LYST: variants seen among roughly 807,000 people sequenced by gnomAD.
The protein encoded by LYST is lysosomal-trafficking regulator.
In LYST, 192 loss-of-function variants were observed where a neutral mutation model predicts 413.6. The observed-to-expected ratio is 0.46, with a 90% CI of 0.41 to 0.52. The LOEUF is 0.52. Among genes scored for constraint, LYST ranks in the 20% least tolerant of loss-of-function variants. LYST has a pLI of 0.00. For synonymous variants in LYST, 1,525 were observed against 1,567.3 expected (o/e 0.97, Z 0.64); for missense variants, 3,815 against 4,499.9 (o/e 0.85, Z 4.35).
intron 19 of LYST, among the ~76,000 whole-genome samples, chr1:235,773,636 A>C (rs1278623937): frequency 1.3e-5 from 2 of 152,196 alleles, no homozygotes; most frequent in Admixed American, 1.3e-4. Context: ...CTAGAGAAAG[A>C]GGGAGAACAT....
rs576764788 is a variant in LYST at position 235,711,421 on chromosome 1, T to C, written c.9925+636A>G. ...CTATACAACAAAATTCCAATGTAAT[T>C]TGCCCAACACCAACTTCTTAAAGCT... On this transcript the variant is annotated intron_variant, in intron 43 of 52. Transcript: ENST00000389793. Among the ~76,000 whole-genome samples the C allele has an allele frequency of 4.6e-5, 7 of 152,318 alleles. No homozygotes were observed. In the South Asian group the frequency reaches 1.4e-3, roughly 32 times the overall value.
At chr1:235,762,344 G>A (rs1228889614) in intron 22 of LYST, among the ~76,000 whole-genome samples, 1 of 152,158 alleles carries the variant, frequency 6.6e-6, no homozygotes, top group Non-Finnish European at 1.5e-5. Context: ...GTAGAGAAAA[G>A]GTACCCTGAG....
At chr1:235,745,029 A>T (rs1204012448) in intron 29 of LYST, among the ~76,000 whole-genome samples, 2 of 152,172 alleles carry the variant, frequency 1.3e-5, no homozygotes, top group Non-Finnish European at 2.9e-5. Flanking sequence ...GGGTTACCTG[A>T]ACATTTTTTT....
intron 1 of LYST, among the ~76,000 whole-genome samples, chr1:235,842,761 G>A (rs779760995): frequency 2.0e-5 from 3 of 152,194 alleles, no homozygotes. Flanking sequence ...TCAGTCAACA[G>A]TGGCTCTGCT....
chr1:235,691,326 A>G (rs531950080), intron 47 of LYST, among the ~76,000 whole-genome samples: 5 of 152,348 alleles, frequency 3.3e-5, no homozygotes, highest in African/African-American at 1.2e-4. Flanking sequence ...AAGAAACTCA[A>G]GTTTGGAGAG....
intron 44 of LYST, among the ~76,000 whole-genome samples, chr1:235,704,910 T>C (rs1661851180): frequency 6.6e-6 from 1 of 152,348 alleles, no homozygotes; most frequent in African/African-American, 2.4e-5. Flanking sequence ...TATTTTAAAA[T>C]AGTGCTTTTC....
chr1:235,756,280 C>T (rs1667045034), intron 24 of LYST, among the ~76,000 whole-genome samples: 1 of 152,092 alleles, frequency 6.6e-6, no homozygotes, highest in African/African-American at 2.4e-5. Flanking sequence ...ACTAAAAAAG[C>T]TTTCTAAGTT....
At chr1:235,746,256 A>T (rs1442567923) in intron 29 of LYST, 80 bp downstream of exon 29, 2 of 1,318,824 alleles carry the variant, frequency 1.5e-6, no homozygotes, top group Admixed American at 3.4e-5. Context: ...TAAACATCTG[A>T]AAACCAACCA....
intron 3 of LYST, among the ~76,000 whole-genome samples, chr1:235,822,705 C>T (rs189142645): frequency 5.5e-4 from 84 of 152,310 alleles, no homozygotes; most frequent in Non-Finnish European, 6.9e-4. Flanking sequence ...TGCAGTTCCT[C>T]CTATCAAGTG....
intron 22 of LYST, among the ~76,000 whole-genome samples, chr1:235,761,425 A>G (rs529399975): frequency 6.6e-6 from 1 of 152,340 alleles, no homozygotes; most frequent in South Asian, 2.1e-4. Flanking sequence ...CTTTTCTTCT[A>G]TAAAGTAGCG....
At chr1:235,682,502 C>T (rs534390639) in intron 48 of LYST, among the ~76,000 whole-genome samples, 1 of 152,218 alleles carries the variant, frequency 6.6e-6, no homozygotes, top group Admixed American at 6.5e-5. Flanking sequence ...GCAGGAGAGG[C>T]CATGAGCCAG....
At chr1:235,831,155 T>A (rs1011560343) in intron 2 of LYST, among the ~76,000 whole-genome samples, 1 of 152,176 alleles carries the variant, frequency 6.6e-6, no homozygotes, top group Non-Finnish European at 1.5e-5. Flanking sequence ...CAGTAACCTT[T>A]AAAAGATATT....
chr1:235,810,288 A>G lies in LYST; in HGVS notation c.530T>C (p.Ile177Thr). The change falls in exon 5 of 53, where the codon ATA becomes ACA. Residue 177 changes from isoleucine to threonine, a missense_variant. Ile to Thr is a moderately conservative substitution (Grantham distance 89, BLOSUM62 -1). Transcript: ENST00000389793. The part of the protein sequence containing the change: ...DSEANSDEKG[I>T]AMNKHRRPHL... ...GGGCCTTCTATGCTTATTCATTGCT[A>G]TGCCTTTTTCATCTGAATTGGCTTC... 6.2e-7 allele frequency: 1 copy of G among 1,614,138 alleles called. No homozygotes were observed. The highest frequency in any genetic ancestry group is 8.5e-7 in the Non-Finnish European group (1 of 1,179,988).
intron 21 of LYST, among the ~76,000 whole-genome samples, chr1:235,763,906 C>G (rs1240414823): frequency 6.6e-6 from 1 of 152,132 alleles, no homozygotes; most frequent in East Asian, 1.9e-4. Flanking sequence ...TCACAGCTAC[C>G]AGAATTCGCT....
At chr1:235,856,940 A>T (rs867129145) in intron 1 of LYST, among the ~76,000 whole-genome samples, 30 of 121,766 alleles carry the variant, frequency 2.5e-4, no homozygotes, top group African/African-American at 9.0e-4. Flanking sequence ...GGATATACTG[A>T]TTTTTTTTTT....
chr1:235,719,675 T>C (rs925817626), intron 40 of LYST, among the ~76,000 whole-genome samples: 1 of 148,966 alleles, frequency 6.7e-6, no homozygotes, highest in Non-Finnish European at 1.5e-5. Flanking sequence ...TCACCACCTA[T>C]AAAGGATTCT....
intron 38 of LYST, among the ~76,000 whole-genome samples, chr1:235,724,878 A>C (rs1663709806): frequency 6.6e-6 from 1 of 152,240 alleles, no homozygotes; most frequent in Non-Finnish European, 1.5e-5. Flanking sequence ...AGAAGTCAAA[A>C]ATGTAGAGGA....
At position 235,664,039 on chromosome 1, in the gene LYST, C is replaced by T. The variant is rs774320068; in HGVS notation, c.11212G>A (p.Asp3738Asn). ...NGIVRLWSTW[D>N]LKPVREITFP... ...GTAATTTCTCTCACAGGCTTTAAGT[C>T]CCATGTGCTCCATAACCTAGAGGGG... The change falls in exon 52 of 53, where the codon GAC becomes AAC. Residue 3738 changes from aspartate (D) to asparagine (N), a missense_variant. Around this residue, in one of 4 missense-constraint regions of LYST, gnomAD observed 866 missense variants for 1,156.0 expected, o/e 0.75. Coordinates refer to ENST00000389793, the MANE Select transcript of LYST (RefSeq NM_000081.4). The surrounding 1 kb of genome is among the most constrained non-coding windows in gnomAD (Gnocchi z 4.5). The T allele has an allele frequency of 8.7e-6, 14 of 1,612,896 alleles. No individual in the cohort carries two copies. The highest frequency in any genetic ancestry group is 1.1e-5 in the Non-Finnish European group (13 of 1,178,944).
Position 235,755,648 on chromosome 1 carries a change from C to T in LYST, c.7060-1G>A. The T allele has an allele frequency of 6.3e-7, 1 of 1,579,500 alleles. No homozygotes were observed. The highest frequency in any genetic ancestry group is 8.7e-7 in the Non-Finnish European group (1 of 1,149,450). ...CTCTAGCAAAATATGCATCTAATAGCTAAACAAAAAATTTAAGTCAATTTA... is the reference window on the plus strand; with the variant it reads ...CTCTAGCAAAATATGCATCTAATAGTTAAACAAAAAATTTAAGTCAATTTA... On this transcript the variant is annotated splice_acceptor_variant, in intron 24 of 52. Coordinates refer to ENST00000389793, the MANE Select transcript of LYST (RefSeq NM_000081.4). LOFTEE classifies it high-confidence loss of function.
Sources: gnomAD v4.1 joint callset for allele counts (sites outside exome capture counted in the v4.1 genomes callset) on GRCh38, gnomAD v4.1.1 for gene constraint, gnomAD v4.1.1 regional missense constraint, Gnocchi (gnomAD v3.1) non-coding constraint, MANE v1.5 for transcripts, NCBI Gene and HGNC (gene_info 2026-07-23, HGNC 2026-07-21) for gene names.